The following KDM7A variants were observed in gnomAD, a reference collection of about 807,000 sequenced individuals.
KDM7A encodes lysine demethylase 7A.
Under a neutral mutation model 114.8 loss-of-function variants are expected in KDM7A, and 28 were observed. The ratio of observed to expected loss-of-function variants is 0.24; its 90% CI spans 0.18 to 0.33. The LOEUF (loss-of-function observed/expected upper bound fraction) is 0.33. Among genes scored for constraint, KDM7A ranks in the 10% least tolerant of loss-of-function variants. KDM7A has a pLI of 1.00. For missense variants in KDM7A, 942 were observed against 1,142.5 expected (o/e 0.82, Z 2.53); for synonymous variants, 423 against 397.8 (o/e 1.06, Z -0.75).
intron 10 of KDM7A, 117 bp from the exon 11 acceptor site, chr7:140,111,301 C>T: frequency 1.6e-6 from 1 of 606,322 alleles, no homozygotes. Flanking sequence ...TCGCCAAATA[C>T]TAGTAAGCCA....
chr7:140,141,921 T>A (rs1359997305), intron 1 of KDM7A, among the ~76,000 whole-genome samples: 1 of 150,630 alleles, frequency 6.6e-6, no homozygotes, highest in Non-Finnish European at 1.5e-5. Flanking sequence ...TATATCTTTG[T>A]TAAGATAAAA....
chr7:140,093,119 A>G (rs191992734), intron 18 of KDM7A, among the ~76,000 whole-genome samples: 238 of 152,348 alleles, frequency 1.6e-3, no homozygotes, highest in African/African-American at 5.5e-3. Flanking sequence ...GAGATTAATG[A>G]TGTTCCATAT....
intron 2 of KDM7A, among the ~76,000 whole-genome samples, chr7:140,135,391 T>C (rs371240255): frequency 2.9e-4 from 44 of 152,042 alleles, no homozygotes; most frequent in African/African-American, 5.1e-4. Context: ...TTAGTAGAGA[T>C]GGGGTTTCAC....
At chr7:140,107,641 G>A (rs945056324) in intron 11 of KDM7A, among the ~76,000 whole-genome samples, 3 of 152,150 alleles carry the variant, frequency 2.0e-5, no homozygotes, top group South Asian at 2.1e-4. Flanking sequence ...CGAGAGATCC[G>A]CTGTCAGTCT....
intron 1 of KDM7A, among the ~76,000 whole-genome samples, chr7:140,141,497 G>A (rs558861181): frequency 3.9e-5 from 6 of 152,200 alleles, no homozygotes; most frequent in East Asian, 1.9e-4. Context: ...CAGGAGGCAC[G>A]GAAGAGCACA....
chr7:140,149,625 A>G (rs2116833884), intron 1 of KDM7A, among the ~76,000 whole-genome samples: 1 of 152,332 alleles, frequency 6.6e-6, no homozygotes, highest in East Asian at 1.9e-4. Flanking sequence ...AGGAATGTCT[A>G]CACAGACTAA....
chr7:140,170,688 T>C lies in KDM7A; in HGVS notation c.194+6056A>G, dbSNP rs150731727. Among the ~76,000 whole-genome samples, 13 of 152,366 alleles carry C rather than the reference T, an allele frequency of 8.5e-5. 1 individual carries two copies. The East Asian group carries it at 2.5e-3, about 29-fold the overall frequency. Reference sequence around the variant, plus strand: ...ATTAATTAGAACAGTGCCTAGCACTTTGTAAAACATTCGATAAGTGAGATT... The same window carrying C: ...ATTAATTAGAACAGTGCCTAGCACTCTGTAAAACATTCGATAAGTGAGATT... On this transcript the variant is annotated intron_variant, in intron 1 of 19. Coordinates refer to ENST00000397560, the MANE Select transcript of KDM7A (RefSeq NM_030647.2).
chr7:140,176,694 T>C lies in KDM7A; in HGVS notation c.194+50A>G. The C allele has an allele frequency of 8.9e-7, 1 of 1,127,764 alleles. No individual in the cohort carries two copies. The highest frequency in any genetic ancestry group is 1.1e-6 in the Non-Finnish European group (1 of 904,696). 69.9% of individuals were successfully genotyped at this position (1,127,764 alleles called of 1,614,324 possible). A position where few individuals can be genotyped will look rare whatever the true frequency, so the allele number is the denominator to read the frequency against. On this transcript the variant is annotated intron_variant, in intron 1 of 19. Transcript: ENST00000397560. The surrounding 1 kb of genome is among the most constrained non-coding windows in gnomAD (Gnocchi z 4.4). ...GCGGGCGGCCGGCGGCGGCGGCGGTTGGTCGGTGGCCGGCGGTGGCGGCTG... is the reference window on the plus strand; with the variant it reads ...GCGGGCGGCCGGCGGCGGCGGCGGTCGGTCGGTGGCCGGCGGTGGCGGCTG...
At chr7:140,156,496 CA>C (rs1234578727) in intron 1 of KDM7A, among the ~76,000 whole-genome samples, 1 of 152,070 alleles carries the variant, frequency 6.6e-6, no homozygotes, top group Non-Finnish European at 1.5e-5. Context: ...TGCAGGCATT[CA>C]GATGGGAAGT....
chr7:140,120,594 C>T, intron 7 of KDM7A, 65 bp from the exon 8 acceptor site: 3 of 907,212 alleles, frequency 3.3e-6, no homozygotes, highest in Non-Finnish European at 3.7e-6. Context: ...AATAGGATAT[C>T]TACCTGTGAA....
At chr7:140,139,399 T>C (rs777403836) in intron 1 of KDM7A, among the ~76,000 whole-genome samples, 15 of 152,174 alleles carry the variant, frequency 9.9e-5, no homozygotes, top group Admixed American at 3.3e-4. Flanking sequence ...ATACTCAAAG[T>C]AATCCTCTCT....
Position 140,124,706 on chromosome 7 carries a change from G to C in KDM7A, c.966C>G (p.Thr322=), listed in dbSNP as rs776896617. The change falls in exon 7 of 20, where the codon ACC becomes ACG. Residue 322 remains threonine (T), a synonymous_variant. Coordinates refer to ENST00000397560, the MANE Select transcript of KDM7A (RefSeq NM_030647.2). ...TATCTCCAAAGAACACCTCACTCTG[G>C]GTCACAGATGAACTCCAAGATTCAT... ...ARYESWSSSV[T]QSEVFFGDKV... The C allele has an allele frequency of 2.5e-6, 4 of 1,612,476 alleles. No individual in the cohort carries two copies. Among genetic ancestry groups the C allele is most frequent in the Middle Eastern group, 1.7e-4 (1 of 6,058 alleles).
At chr7:140,142,249 A>G (rs1424388400) in intron 1 of KDM7A, among the ~76,000 whole-genome samples, 2 of 151,396 alleles carry the variant, frequency 1.3e-5, no homozygotes, top group African/African-American at 4.8e-5. Flanking sequence ...TCAAAACACA[A>G]AAAGCACTGT....
At chr7:140,146,301 G>A (rs954110699) in intron 1 of KDM7A, among the ~76,000 whole-genome samples, 8 of 152,212 alleles carry the variant, frequency 5.3e-5, no homozygotes, top group Non-Finnish European at 1.0e-4. Flanking sequence ...TCTTTGAAAG[G>A]AACCAAAAGG....
chr7:140,104,251 T>C (rs1818288151), intron 11 of KDM7A, among the ~76,000 whole-genome samples: 3 of 152,218 alleles, frequency 2.0e-5, no homozygotes, highest in African/African-American at 2.4e-5. Context: ...TTTTCTCCCA[T>C]TGTGTAGGTT....
At position 140,098,866 on chromosome 7, in the gene KDM7A, TA is replaced by T. The variant is rs775158510; in HGVS notation, c.1918+12del. 4 of 1,595,000 alleles carry T rather than the reference TA, an allele frequency of 2.5e-6. No homozygotes were observed. Among genetic ancestry groups the T allele is most frequent in the African/African-American group, 2.7e-5 (2 of 74,080 alleles). The stretch of plus-strand genomic sequence containing the variant: ...ATCAAAAGATCTTTAAAATAACCAT[TA>T]AAAAAACATACCATTCAGTGGTTTT... On this transcript the variant is annotated intron_variant, in intron 14 of 19. Coordinates refer to ENST00000397560, the MANE Select transcript of KDM7A (RefSeq NM_030647.2).
At chr7:140,105,933 G>A (rs1427825864) in intron 11 of KDM7A, among the ~76,000 whole-genome samples, 1 of 152,006 alleles carries the variant, frequency 6.6e-6, no homozygotes, top group African/African-American at 2.4e-5. Flanking sequence ...CTTTTTTTGG[G>A]TGGTAGGCTC....
At position 140,086,664 on chromosome 7, in the gene KDM7A, G is replaced by A. The variant is rs1817928527; in HGVS notation, c.*4430C>T. ...GGAAGCACATGAACATCATCTCATA[G>A]GGCAAGCCGAAAACTGGGGGCTGTT... On this transcript the variant is annotated 3_prime_UTR_variant, in exon 20 of 20. Transcript: ENST00000397560. 1 of 152,068 alleles carries A rather than the reference G, an allele frequency of 6.6e-6. No individual in the cohort carries two copies. Among genetic ancestry groups the A allele is most frequent in the Non-Finnish European group, 1.5e-5 (1 of 68,026 alleles). The allele number at this position is 152,068 out of a possible 1,614,324, so 9.4% of individuals were successfully genotyped here. A position where few individuals can be genotyped will look rare whatever the true frequency, so the allele number is the denominator to read the frequency against.
At chr7:140,121,042 C>T (rs1207430975) in intron 7 of KDM7A, among the ~76,000 whole-genome samples, 1 of 152,152 alleles carries the variant, frequency 6.6e-6, no homozygotes, top group African/African-American at 2.4e-5. Flanking sequence ...TGGGACACTC[C>T]ATCGCCCTGG....
Sources: allele counts gnomAD v4.1 joint callset (sites outside exome capture counted in the v4.1 genomes callset), GRCh38; gene constraint gnomAD v4.1.1; non-coding constraint Gnocchi (gnomAD v3.1); transcripts MANE v1.5; gene names NCBI Gene and HGNC (gene_info 2026-07-23, HGNC 2026-07-21).